Variants in SDK1 observed in about 807,000 individuals in gnomAD.
SDK1 encodes the protein protein sidekick-1.
A neutral mutation model predicts 245.5 loss-of-function variants in SDK1; 157 were observed. The observed-to-expected ratio is 0.64, with a 90% CI of 0.56 to 0.73. The LOEUF is 0.73. Ranked by LOEUF, SDK1 falls within the 30% of genes least tolerant of loss-of-function variation. SDK1 has a pLI of 0.00. For synonymous variants in SDK1, 1,647 were observed against 1,278.5 expected, an observed-to-expected ratio of 1.29 and a Z score of -6.15; for missense variants, 3,583 against 3,002.3, an observed-to-expected ratio of 1.19 and a Z score of -4.52.
intron 1 of SDK1, among the ~76,000 whole-genome samples, chr7:3,525,196 T>G (rs1783080111): frequency 6.6e-6 from 1 of 151,918 alleles, no homozygotes; most frequent in South Asian, 2.1e-4. Context: ...TGGGTATTCT[T>G]GGTGGGCCCT....
intron 4 of SDK1, among the ~76,000 whole-genome samples, chr7:3,712,572 G>A (rs1218713751): frequency 1.3e-5 from 2 of 152,168 alleles, no homozygotes; most frequent in Admixed American, 6.5e-5. Context: ...ACTGGTCCCT[G>A]GTGCCAAGAA....
chr7:3,938,058 A>T (rs997204313), intron 5 of SDK1, among the ~76,000 whole-genome samples: 3 of 152,052 alleles, frequency 2.0e-5, no homozygotes, highest in Non-Finnish European at 4.4e-5. Context: ...ACTGGTCTTG[A>T]ACTCCTGACC....
At position 4,016,589 on chromosome 7, in the gene SDK1, A is replaced by T. The variant is rs77804882; in HGVS notation, c.2421-582A>T. Among the ~76,000 whole-genome samples, 24 of 152,378 alleles carry T rather than the reference A, an allele frequency of 1.6e-4. No homozygotes were observed. The East Asian group carries it at 4.6e-3, about 29-fold the overall frequency. Reference sequence around the variant, plus strand: ...TTTCCACCTTTAGTATGCTAAGAACATAGTACCCAAGCACTCACAGAGGTC... The same window carrying T: ...TTTCCACCTTTAGTATGCTAAGAACTTAGTACCCAAGCACTCACAGAGGTC... On this transcript the variant is annotated intron_variant, in intron 16 of 44. Transcript: ENST00000404826.
intron 1 of SDK1, among the ~76,000 whole-genome samples, chr7:3,599,171 G>C (rs1055750374): frequency 6.9e-6 from 1 of 144,856 alleles, no homozygotes; most frequent in Non-Finnish European, 1.5e-5. Flanking sequence ...CATTCCGATA[G>C]ATGTGCAGTG....
intron 6 of SDK1, 124 bp from the exon 7 acceptor site, chr7:3,951,606 G>T (rs986525999): frequency 1.3e-6 from 1 of 773,304 alleles, no homozygotes. Flanking sequence ...AGTGTCCGTT[G>T]TTCAACCCAC....
chr7:4,191,823 T>C (rs996720319), intron 35 of SDK1, among the ~76,000 whole-genome samples: 3 of 152,172 alleles, frequency 2.0e-5, no homozygotes, highest in Admixed American at 2.0e-4. Flanking sequence ...GGAAGCGCCA[T>C]CTCCACAGGT....
In SDK1 at chr7:4,077,170, T is replaced by C. The variant is rs1780739012; in HGVS notation, c.3183T>C (p.Ile1061=). ...CTGGCCTGGTGACTTCATCCACCAT[T>C]TCTTCTGGAGTGCCCCCAGGTCAGT... is the stretch of plus-strand genomic sequence containing the variant. ...VGTGLVTSST[I]SSGVPPDLPG... is the part of the protein sequence containing the mutation. The change falls in exon 21 of 45, where the codon ATT becomes ATC. Residue 1061 remains isoleucine, a synonymous_variant. Coordinates refer to ENST00000404826, the MANE Select transcript of SDK1 (RefSeq NM_152744.4). 6.2e-7 allele frequency: 1 copy of C among 1,614,182 alleles called. No individual in the cohort carries two copies. The highest frequency in any genetic ancestry group is 8.5e-7 in the Non-Finnish European group (1 of 1,180,012).
At chr7:4,216,253 C>T (rs898146978) in intron 38 of SDK1, among the ~76,000 whole-genome samples, 2 of 152,146 alleles carry the variant, frequency 1.3e-5, no homozygotes, top group South Asian at 2.1e-4. Context: ...CAGAAGGCAA[C>T]GACTGGGAAA....
intron 4 of SDK1, among the ~76,000 whole-genome samples, chr7:3,688,393 T>C (rs1465292468): frequency 1.3e-5 from 2 of 152,254 alleles, no homozygotes; most frequent in African/African-American, 4.8e-5. Context: ...TCTTTTGAGG[T>C]TTAATTCTTA....
intron 5 of SDK1, among the ~76,000 whole-genome samples, chr7:3,878,657 C>G (rs1490440830): frequency 3.3e-5 from 5 of 152,232 alleles, no homozygotes; most frequent in Non-Finnish European, 5.9e-5. Flanking sequence ...AATCCTCTCT[C>G]TTTGTAGATG....
chr7:4,118,107 AC>A (rs1467375767), intron 25 of SDK1, among the ~76,000 whole-genome samples: 1 of 152,124 alleles, frequency 6.6e-6, no homozygotes, highest in Non-Finnish European at 1.5e-5. Context: ...CAGAATGAAA[AC>A]CTTTATGCTT....
At chr7:3,914,432 G>A (rs992011530) in intron 5 of SDK1, among the ~76,000 whole-genome samples, 2 of 152,226 alleles carry the variant, frequency 1.3e-5, no homozygotes, top group African/African-American at 4.8e-5. Context: ...TGAAATCACA[G>A]CGAGATTGTG....
rs1562578424 is a variant in SDK1 at position 3,581,001 on chromosome 7, C to CAAAA, written c.299-38078_299-38075dup. On this transcript the variant is annotated intron_variant, in intron 1 of 44. Coordinates refer to ENST00000404826, the MANE Select transcript of SDK1 (RefSeq NM_152744.4). ...AAAAAAAAAAAAAAAAAAACCAAAA[C>CAAAA]AAAACCCTGGAAGACAATCTATGCA... Among the ~76,000 whole-genome samples the CAAAA allele has an allele frequency of 3.8e-4, 36 of 94,732 alleles. 2 individuals are homozygous for CAAAA. The highest frequency in any genetic ancestry group is 5.5e-4 in the Non-Finnish European group (26 of 47,000). 62.1% of individuals were successfully genotyped at this position (94,732 alleles called of 152,430 possible).
chr7:4,113,359 C>G lies in SDK1; in HGVS notation c.3505C>G (p.Leu1169Val). The G allele has an allele frequency of 6.2e-7, 1 of 1,613,996 alleles. No homozygotes were observed. Among genetic ancestry groups the G allele is most frequent in the African/African-American group, 1.3e-5 (1 of 75,054 alleles). ...YSPSSRVIQT[L>V]QAPPDVAPTS... is the part of the protein sequence containing the mutation. The stretch of plus-strand genomic sequence containing the variant: ...TCCGTCTTCCCGGGTCATCCAGACC[C>G]TGCAGGCCCCACCCGACGTGGCTCC... The change falls in exon 24 of 45, where the codon CTG (leucine) becomes GTG (valine). Residue 1169 changes from leucine to valine, a missense_variant. Leu to Val is a conservative substitution (Grantham distance 32, BLOSUM62 1). Transcript: ENST00000404826.
chr7:3,915,416 T>C (rs1441759375), intron 5 of SDK1, among the ~76,000 whole-genome samples: 1 of 152,176 alleles, frequency 6.6e-6, no homozygotes, highest in Admixed American at 6.5e-5. Flanking sequence ...AATTGAATCA[T>C]AGGGGTGGGT....
At chr7:3,828,121 C>A (rs1360617982) in intron 5 of SDK1, among the ~76,000 whole-genome samples, 2 of 151,830 alleles carry the variant, frequency 1.3e-5, no homozygotes. Flanking sequence ...ATTAAAAATA[C>A]AAAAATTATA....
intron 17 of SDK1, among the ~76,000 whole-genome samples, chr7:4,043,621 G>A (rs912273785): frequency 1.3e-5 from 2 of 152,224 alleles, no homozygotes; most frequent in East Asian, 1.9e-4. Flanking sequence ...ACTGCCTCCA[G>A]GATGCAGGAC....
intron 5 of SDK1, among the ~76,000 whole-genome samples, chr7:3,832,189 A>G (rs1351524186): frequency 1.3e-5 from 2 of 152,212 alleles, no homozygotes; most frequent in African/African-American, 4.8e-5. Flanking sequence ...CACTAATCTT[A>G]TGCAGTTGAT....
At chr7:3,463,391 G>T (rs895707220) in intron 1 of SDK1, among the ~76,000 whole-genome samples, 3 of 152,124 alleles carry the variant, frequency 2.0e-5, no homozygotes, top group African/African-American at 4.8e-5. Flanking sequence ...AACATAGATT[G>T]AGTTTTGAGC....
Sources: allele counts gnomAD v4.1 joint callset (sites outside exome capture counted in the v4.1 genomes callset), GRCh38; gene constraint gnomAD v4.1.1; transcripts MANE v1.5; gene names NCBI Gene and HGNC (gene_info 2026-07-23, HGNC 2026-07-21).